POMK: variants seen among roughly 807,000 people sequenced by gnomAD.
POMK encodes the protein Sugen kinase 196.
Under a neutral mutation model 23.0 loss-of-function variants are expected in POMK, and 19 were observed. The observed-to-expected ratio is 0.83, with a 90% CI of 0.58 to 1.21. The LOEUF (loss-of-function observed/expected upper bound fraction) is 1.21. Among genes scored for constraint, POMK ranks in the 50% most tolerant of loss-of-function variants. The pLI is 0.00. For synonymous variants in POMK, 173 were observed against 171.6 expected (o/e 1.01, Z -0.06); for missense variants, 410 against 431.3 (o/e 0.95, Z 0.44).
At chr8:43,105,059 A>C (rs1324677170) in intron 4 of POMK, among the ~76,000 whole-genome samples, 1 of 152,222 alleles carries the variant, frequency 6.6e-6, no homozygotes, top group Non-Finnish European at 1.5e-5. Context: ...ATTTATTTTT[A>C]ATTGGCATGT....
intron 4 of POMK, among the ~76,000 whole-genome samples, chr8:43,107,352 G>C (rs796524216): frequency 2.0e-5 from 3 of 152,304 alleles, no homozygotes; most frequent in African/African-American, 7.2e-5. Flanking sequence ...TGCTTGGCCT[G>C]ATTATTTGCA....
intron 4 of POMK, among the ~76,000 whole-genome samples, chr8:43,112,582 C>T (rs531105030): frequency 2.0e-4 from 31 of 151,478 alleles, no homozygotes; most frequent in Non-Finnish European, 3.8e-4. Flanking sequence ...AGATACTCCT[C>T]GAGAAGAGCA....
intron 2 of POMK, among the ~76,000 whole-genome samples, chr8:43,099,383 A>T (rs1342146257): frequency 6.6e-6 from 1 of 152,202 alleles, no homozygotes; most frequent in Non-Finnish European, 1.5e-5. Flanking sequence ...TACCTTTGGA[A>T]GTTGTCAGCA....
chr8:43,120,371 C>T (rs62517604), intron 4 of POMK, among the ~76,000 whole-genome samples: 7,206 of 151,956 alleles, frequency 0.047, 232 homozygotes, highest in South Asian at 0.08. Flanking sequence ...CACCACCATG[C>T]CCGGCTAATT....
intron 1 of POMK, among the ~76,000 whole-genome samples, chr8:43,094,697 C>G (rs1811297783): frequency 6.6e-6 from 1 of 152,186 alleles, no homozygotes; most frequent in Non-Finnish European, 1.5e-5. Context: ...TGTGTCTTCC[C>G]TAGTTGTAGA....
rs542380775 is a variant in POMK, at chr8:43,119,107, G to A, written c.283-3000G>A. On this transcript the variant is annotated intron_variant, in intron 4 of 4. Coordinates refer to ENST00000331373, the MANE Select transcript of POMK (RefSeq NM_032237.5). ...ATTACAGGCATGAGCCACTGCGGCCGGCCCCCCACTTATTGTTGAATGTGT... is the reference window on the plus strand; with the variant it reads ...ATTACAGGCATGAGCCACTGCGGCCAGCCCCCCACTTATTGTTGAATGTGT... Among the ~76,000 whole-genome samples, 7 of 152,224 alleles carry A rather than the reference G, an allele frequency of 4.6e-5. No individual in the cohort carries two copies. The East Asian group carries it at 1.2e-3, about 25-fold the overall frequency.
chr8:43,099,014 A>T (rs2130595269), intron 2 of POMK, among the ~76,000 whole-genome samples: 1 of 152,320 alleles, frequency 6.6e-6, no homozygotes, highest in East Asian at 1.9e-4. Context: ...TGGCACGATC[A>T]CAGCTCACTG....
At chr8:43,114,811 A>G (rs959882674) in intron 4 of POMK, among the ~76,000 whole-genome samples, 5 of 151,902 alleles carry the variant, frequency 3.3e-5, no homozygotes, top group African/African-American at 1.2e-4. Context: ...CCAGTTGTGC[A>G]CTCTCCCAGT....
chr8:43,121,738 T>G (rs1811920223), intron 4 of POMK, among the ~76,000 whole-genome samples: 1 of 152,184 alleles, frequency 6.6e-6, no homozygotes, highest in African/African-American at 2.4e-5. Context: ...TGCAGTTATA[T>G]GGAGTCTTCC....
At chr8:43,104,447 T>G (rs1285133023) in intron 4 of POMK, among the ~76,000 whole-genome samples, 1 of 152,136 alleles carries the variant, frequency 6.6e-6, no homozygotes, top group East Asian at 1.9e-4. Context: ...AAGAGTGCCA[T>G]AGTGATAGAA....
chr8:43,112,347 C>T (rs983312957), intron 4 of POMK, among the ~76,000 whole-genome samples: 6 of 152,122 alleles, frequency 3.9e-5, no homozygotes, highest in Middle Eastern at 3.4e-3. Context: ...TGAAATGAAG[C>T]GTGAAGAGAA....
At position 43,103,784 on chromosome 8, in the gene POMK, CAG is replaced by C. The variant is rs1454006905; in HGVS notation, c.238_239del (p.Glu80SerfsTer19). The C allele has an allele frequency of 2.2e-5, 35 of 1,614,108 alleles. No homozygotes were observed. The highest frequency in any genetic ancestry group is 2.8e-5 in the Non-Finnish European group (33 of 1,180,044). On this transcript the variant is annotated frameshift_variant, in exon 4 of 5. Coordinates refer to ENST00000331373, the MANE Select transcript of POMK (RefSeq NM_032237.5). LOFTEE classifies it high-confidence loss of function. The stretch of plus-strand genomic sequence containing the variant: ...TGGCTGTCCTGCGAGGAGCTGAGAA[CAG>C]AAGTGAGACAGCTGAAGCGTGTTGG...
chr8:43,118,952 C>T (rs1316065030), intron 4 of POMK, among the ~76,000 whole-genome samples: 1 of 152,168 alleles, frequency 6.6e-6, no homozygotes, highest in Admixed American at 6.5e-5. Context: ...GCTGGGACTA[C>T]AGGCACCTGC....
At chr8:43,111,285 G>T (rs1332617056) in intron 4 of POMK, among the ~76,000 whole-genome samples, 2 of 152,206 alleles carry the variant, frequency 1.3e-5, no homozygotes, top group Non-Finnish European at 2.9e-5. Flanking sequence ...TCCTGCACCT[G>T]GCTCGGAGGG....
At chr8:43,118,321 A>T (rs1394957331) in intron 4 of POMK, among the ~76,000 whole-genome samples, 1 of 152,178 alleles carries the variant, frequency 6.6e-6, no homozygotes, top group Non-Finnish European at 1.5e-5. Context: ...GTATGTTATA[A>T]CGCCATTAGT....
chr8:43,095,857 T>C (rs975180304), intron 1 of POMK, among the ~76,000 whole-genome samples: 1 of 152,050 alleles, frequency 6.6e-6, no homozygotes, highest in African/African-American at 2.4e-5. Context: ...GGTGGGAGGT[T>C]AGGGGTAAGG....
chr8:43,101,829 CTT>C (rs1273325641), intron 2 of POMK, among the ~76,000 whole-genome samples: 14 of 152,302 alleles, frequency 9.2e-5, no homozygotes, highest in African/African-American at 3.4e-4. Flanking sequence ...GTTTTTGACA[CTT>C]TATGGCTGCA....
intron 4 of POMK, among the ~76,000 whole-genome samples, chr8:43,121,252 T>C (rs184048405): frequency 1.7e-3 from 257 of 152,364 alleles, no homozygotes; most frequent in Non-Finnish European, 3.2e-3. Flanking sequence ...AGGAATCTCC[T>C]GAGTCCTGAG....
At chr8:43,100,297 G>T (rs35828840) in intron 2 of POMK, among the ~76,000 whole-genome samples, 1 of 152,106 alleles carries the variant, frequency 6.6e-6, no homozygotes, top group Non-Finnish European at 1.5e-5. Flanking sequence ...TGTGTGCTTA[G>T]GGAAGTGGGC....
Sources: allele counts gnomAD v4.1 joint callset (sites outside exome capture counted in the v4.1 genomes callset), GRCh38; gene constraint gnomAD v4.1.1; transcripts MANE v1.5; gene names NCBI Gene and HGNC (gene_info 2026-07-23, HGNC 2026-07-21).